BAIAP2L2: variants seen among roughly 807,000 people sequenced by gnomAD.
The protein encoded by BAIAP2L2 is BAR/IMD domain containing adaptor protein 2 like 2.
Under a neutral mutation model 60.4 loss-of-function variants are expected in BAIAP2L2, and 65 were observed. The ratio of observed to expected loss-of-function variants is 1.08; its 90% confidence interval spans 0.88 to 1.32. The LOEUF (loss-of-function observed/expected upper bound fraction) is 1.32. Ranked by LOEUF, BAIAP2L2 falls within the 40% of genes most tolerant of loss-of-function variation. The pLI, the probability that BAIAP2L2 is intolerant of heterozygous loss-of-function variation, is 0.00. For missense variants in BAIAP2L2, 836 were observed against 741.2 expected, an observed-to-expected ratio of 1.13 and a Z score of -1.48; for synonymous variants, 344 against 301.7, an observed-to-expected ratio of 1.14 and a Z score of -1.45.
intron 10 of BAIAP2L2, among the ~76,000 whole-genome samples, chr22:38,088,382 C>A (rs1268753226): frequency 6.6e-6 from 1 of 152,188 alleles, no homozygotes; most frequent in African/African-American, 2.4e-5. Context: ...CCCAGCCCAG[C>A]CCCCTGCATC....
At chr22:38,101,546 C>A (rs1401595643) in intron 4 of BAIAP2L2, among the ~76,000 whole-genome samples, 145 of 30,860 alleles carry the variant, frequency 4.7e-3, no homozygotes, top group East Asian at 7.3e-3. Context: ...GATCCTGTCT[C>A]AAAAAAAAAA....
chr22:38,088,761 C>A lies in BAIAP2L2; in HGVS notation c.1105G>T (p.Glu369Ter), dbSNP rs927201443. ...GCTCCCACTCACGCGGACGAGCCCT[C>A]CAGCTTGCCGTAGAGCCAGCCGTTC... ...AQNGWLYGKL[E>*]GSSASGWFPE... Residue 369 changes from glutamate to a stop codon, truncating the protein, a stop_gained, in exon 10 of 14, where the codon GAG becomes TAG. Coordinates refer to ENST00000381669, the MANE Select transcript of BAIAP2L2 (RefSeq NM_025045.6). LOFTEE classifies it high-confidence loss of function. 2.5e-6 allele frequency: 4 copies of A among 1,599,364 alleles called. No homozygotes were observed. The African/African-American group carries it at 5.3e-5, about 21-fold the overall frequency.
chr22:38,088,537 A>G (rs1465093662), intron 10 of BAIAP2L2, among the ~76,000 whole-genome samples: 1 of 152,160 alleles, frequency 6.6e-6, no homozygotes, highest in Non-Finnish European at 1.5e-5. Flanking sequence ...GCTCTCAAGG[A>G]CCGTCATCCT....
chr22:38,085,855 G>A, intron 12 of BAIAP2L2, 123 bp from the exon 13 acceptor site: 1 of 1,003,492 alleles, frequency 1.0e-6, no homozygotes, highest in South Asian at 1.6e-5. Context: ...TGCCATGCCA[G>A]GCTCCTGGAA....
intron 8 of BAIAP2L2, 52 bp from the exon 9 acceptor site, chr22:38,089,283 G>GCC: frequency 2.7e-5 from 4 of 145,674 alleles, no homozygotes; most frequent in African/African-American, 3.3e-5. Context: ...GGGGGGCGGG[G>GCC]CCGCGCCCTA....
At chr22:38,108,648 C>T (rs552427351) in intron 2 of BAIAP2L2, among the ~76,000 whole-genome samples, 4 of 152,084 alleles carry the variant, frequency 2.6e-5, no homozygotes, top group African/African-American at 9.6e-5. Flanking sequence ...CCACAGCGGA[C>T]GGGTACAAGG....
Position 38,085,193 on chromosome 22 carries a change from C to T in BAIAP2L2, c.*107G>A. 7.8e-7 allele frequency: 1 copy of T among 1,283,196 alleles called. No individual in the cohort carries two copies. The highest frequency in any genetic ancestry group is 1.1e-6 in the Non-Finnish European group (1 of 915,832). The allele number at this position is 1,283,196 out of a possible 1,614,324, so 79.5% of individuals were successfully genotyped here. ...TGGGGAGGGCAGCCACCCCCCGTCT[C>T]AGGGACCCGCTTCTTGGATCTGCTG... On this transcript the variant is annotated 3_prime_UTR_variant, in exon 14 of 14. Transcript: ENST00000381669.
chr22:38,087,398 T>G, intron 10 of BAIAP2L2, 134 bp from the exon 11 acceptor site: 1 of 1,025,292 alleles, frequency 9.8e-7, no homozygotes, highest in Admixed American at 2.9e-5. Context: ...CAATTCCGTA[T>G]GTTTACTTCT....
In BAIAP2L2 at chr22:38,085,274, T is replaced by C. The variant is rs888599491; in HGVS notation, c.*26A>G. 8 of 1,609,098 alleles carry C rather than the reference T, an allele frequency of 5.0e-6. No homozygotes were observed. The highest frequency in any genetic ancestry group is 6.8e-6 in the Non-Finnish European group (8 of 1,175,904). ...CTGAACAGCCCCTGGGCAGGTGCAC[T>C]GTGGGGTACGACCTCGGACCCCGCC... On this transcript the variant is annotated 3_prime_UTR_variant, in exon 14 of 14. Coordinates refer to ENST00000381669, the MANE Select transcript of BAIAP2L2 (RefSeq NM_025045.6).
intron 10 of BAIAP2L2, 147 bp downstream of exon 10, chr22:38,088,601 G>A (rs1237328309): frequency 1.3e-5 from 10 of 754,614 alleles, no homozygotes; most frequent in Non-Finnish European, 1.8e-5. Context: ...GGAAACTGAG[G>A]CAGGGTGCGG....
Position 38,098,142 on chromosome 22 carries a change from C to A in BAIAP2L2, c.386G>T (p.Arg129Leu). ...CATGCACTTCTCCAGGTTGGCCGCT[C>A]GGTGGCGGTACTCGAGCTCATAGTG... is the stretch of plus-strand genomic sequence containing the variant. ...RQHYELEYRH[R>L]AANLEKCMSE... is the part of the protein sequence containing the mutation. The change falls in exon 6 of 14, where the codon CGA becomes CTA. Residue 129 changes from arginine (R) to leucine (L), a missense_variant. By Grantham distance (102) the Arg-to-Leu change is moderately radical. Transcript: ENST00000381669. 1 of 1,614,100 alleles carries A rather than the reference C, an allele frequency of 6.2e-7. No individual in the cohort carries two copies. Among genetic ancestry groups the A allele is most frequent in the South Asian group, 1.1e-5 (1 of 91,076 alleles).
chr22:38,086,172 G>T, intron 12 of BAIAP2L2, 70 bp downstream of exon 12: 1 of 1,501,886 alleles, frequency 6.7e-7, no homozygotes, highest in Non-Finnish European at 9.1e-7. Flanking sequence ...CGGTGACAGA[G>T]CCTCGGGATC....
At chr22:38,102,278 T>A (rs1490204962) in intron 4 of BAIAP2L2, among the ~76,000 whole-genome samples, 10 of 151,320 alleles carry the variant, frequency 6.6e-5, no homozygotes, top group Non-Finnish European at 1.2e-4. Context: ...GAGAATGCCG[T>A]GAGGAGGATC....
At position 38,089,590 on chromosome 22, in the gene BAIAP2L2, C is replaced by G. The variant is rs1013526799; in HGVS notation, c.697G>C (p.Gly233Arg). The G allele has an allele frequency of 1.1e-4, 140 of 1,234,396 alleles. 2 individuals carry two copies. The South Asian group carries it at 3.8e-3, about 34-fold the overall frequency. 76.5% of individuals were successfully genotyped at this position (1,234,396 alleles called of 1,614,324 possible). The change falls in exon 8 of 14, where the codon GGC (glycine) becomes CGC (arginine). Residue 233 changes from glycine (G) to arginine (R), a missense_variant. Gly to Arg is a moderately radical substitution (Grantham distance 125). Coordinates refer to ENST00000381669, the MANE Select transcript of BAIAP2L2 (RefSeq NM_025045.6). ...SRSPSRAHSP[G>R]LLGPALGPPY... The stretch of plus-strand genomic sequence containing the variant: ...GGCCCCAGCGCGGGGCCCAGCAGGC[C>G]GGGGGAGTGGGCGCGCGACGGGCTG...
In BAIAP2L2 at chr22:38,110,583, G is replaced by C; in HGVS notation, c.-58C>G. ...GGGAGCTGGTGGCGATGGCACAGCC[G>C]GGAGCAGTGGTAGGTAGTCCCTCAG... is the stretch of plus-strand genomic sequence containing the variant. On this transcript the variant is annotated 5_prime_UTR_variant, in exon 1 of 14. Coordinates refer to ENST00000381669, the MANE Select transcript of BAIAP2L2 (RefSeq NM_025045.6). 6.8e-7 allele frequency: 1 copy of C among 1,467,944 alleles called. No homozygotes were observed. The highest frequency in any genetic ancestry group is 9.4e-7 in the Non-Finnish European group (1 of 1,068,360). The allele number at this position is 1,467,944 out of a possible 1,614,324, so 90.9% of individuals were successfully genotyped here. A position where few individuals can be genotyped will look rare whatever the true frequency, so the allele number is the denominator to read the frequency against.
rs1205300621 is a variant in BAIAP2L2 at position 38,098,486 on chromosome 22, A to G, written c.277-4T>C. On this transcript the variant is annotated splice_polypyrimidine_tract_variant and splice_region_variant and intron_variant, in intron 4 of 13. Coordinates refer to ENST00000381669, the MANE Select transcript of BAIAP2L2 (RefSeq NM_025045.6). ...GGCCTCCATGGAATGTCTGCACCTG[A>G]GCGGAGTGCAGGGTGAGGGTGATCA... 1.2e-6 allele frequency: 2 copies of G among 1,612,508 alleles called. No individual in the cohort carries two copies. The highest frequency in any genetic ancestry group is 1.3e-5 in the African/African-American group (1 of 74,832).
upstream of BAIAP2L2, chr22:38,110,736 C>T: frequency 1.8e-6 from 1 of 545,632 alleles, no homozygotes; most frequent in South Asian, 2.4e-5. Flanking sequence ...GGGGCGTAAC[C>T]AGATCCGGCA....
At chr22:38,095,627 A>G (rs2086410729) in intron 7 of BAIAP2L2, among the ~76,000 whole-genome samples, 1 of 152,010 alleles carries the variant, frequency 6.6e-6, no homozygotes, top group African/African-American at 2.4e-5. Context: ...GCGCTCCCAA[A>G]GTGTTGGGGT....
chr22:38,095,238 A>C (rs532211893), intron 7 of BAIAP2L2, among the ~76,000 whole-genome samples: 10 of 152,330 alleles, frequency 6.6e-5, no homozygotes, highest in Non-Finnish European at 1.3e-4. Context: ...GAGGTCTGAA[A>C]CTAAGTCCTA....
Sources: allele counts gnomAD v4.1 joint callset (sites outside exome capture counted in the v4.1 genomes callset), GRCh38; gene constraint gnomAD v4.1.1; transcripts MANE v1.5; gene names NCBI Gene and HGNC (gene_info 2026-07-23, HGNC 2026-07-21).